FLG: variants seen among roughly 807,000 people sequenced by gnomAD.
FLG encodes the protein filaggrin, also known as epidermal filaggrin.
Under a neutral mutation model 3.8 loss-of-function variants are expected in FLG, and 6 were observed. The observed-to-expected ratio is 1.60, with a 90% CI of 0.87 to 3.15. The LOEUF is 3.15. Among genes scored for constraint, FLG ranks in the 30% most tolerant of loss-of-function variants. The probability of loss-of-function intolerance (pLI) is 0.00; values close to 1 mark genes in which losing one functional copy is unlikely to be tolerated. For synonymous variants in FLG, 2,551 were observed against 1,931.6 expected (o/e 1.32, Z -8.41); for missense variants, 7,595 against 5,050.9 (o/e 1.50, Z -15.27).
Position 152,314,747 on chromosome 1 carries a change from T to C in FLG, c.139A>G (p.Asn47Asp), listed in dbSNP as rs758847783. The C allele has an allele frequency of 5.1e-5, 82 of 1,613,732 alleles. No individual in the cohort carries two copies. The highest frequency in any genetic ancestry group is 8.3e-5 in the Admixed American group (5 of 60,006). The change falls in exon 3 of 3, where the codon AAT (asparagine) becomes GAT (aspartate). Residue 47 changes from asparagine (N) to aspartate (D), a missense_variant and splice_region_variant. Coordinates refer to ENST00000368799, the MANE Select transcript of FLG (RefSeq NM_002016.2). ...LEKEFRQILKNPDDPDMVDVF... is the reference protein window; with the variant it reads ...LEKEFRQILKDPDDPDMVDVF... Reference sequence around the variant, plus strand: ...TCAACCATATCTGGGTCATCTGGATTCTGTACAGAGGGAAGTCACAGAGGG... The same window carrying C: ...TCAACCATATCTGGGTCATCTGGATCCTGTACAGAGGGAAGTCACAGAGGG...
chr1:152,312,886 C>G lies in FLG; in HGVS notation c.2000G>C (p.Arg667Thr). ...GTCTGCAGAGTGCCCATGACCAGCT[C>G]TGTCTTCGTGATGGGACCTGGGGTG... is the stretch of plus-strand genomic sequence containing the variant. ...SRHPRSHHEDRAGHGHSADSS... is the reference protein window; with the variant it reads ...SRHPRSHHEDTAGHGHSADSS... The change falls in exon 3 of 3, where the codon AGA (arginine) becomes ACA (threonine). Residue 667 changes from arginine (R) to threonine (T), a missense_variant. Coordinates refer to ENST00000368799, the MANE Select transcript of FLG (RefSeq NM_002016.2). 3.1e-6 allele frequency: 5 copies of G among 1,614,074 alleles called. No individual in the cohort carries two copies. The highest frequency in any genetic ancestry group is 4.2e-6 in the Non-Finnish European group (5 of 1,180,032).
rs1374446019 is a variant in FLG at position 152,308,476 on chromosome 1, G to T, written c.6410C>A (p.Thr2137Asn). 2 of 1,613,714 alleles carry T rather than the reference G, an allele frequency of 1.2e-6. No homozygotes were observed. The highest frequency in any genetic ancestry group is 1.3e-5 in the African/African-American group (1 of 74,822). Residue 2137 changes from threonine to asparagine, a missense_variant, in exon 3 of 3, where the codon ACC (threonine) becomes AAC (asparagine). Physicochemically the swap from Thr to Asn is moderately conservative, Grantham distance 65. Transcript: ENST00000368799. Reference protein sequence around the residue: ...RHSASQEGQDTIRGHPGPSRG... With the variant: ...RHSASQEGQDNIRGHPGPSRG... ...GCTTGGCCCCGGGTGTCCACGAATG[G>T]TGTCCTGACCCTCTTGGGATGCTGA...
intron 1 of FLG, among the ~76,000 whole-genome samples, 169 bp downstream of exon 1, chr1:152,325,020 A>G (rs1047293702): frequency 5.3e-5 from 8 of 151,956 alleles, no homozygotes; most frequent in African/African-American, 1.9e-4. Flanking sequence ...AAGCAAATTT[A>G]TGCCCTCATT....
chr1:152,309,536 G>C lies in FLG; in HGVS notation c.5350C>G (p.Pro1784Ala). Residue 1784 changes from proline to alanine, a missense_variant, in exon 3 of 3, where the codon CCC becomes GCC. Coordinates refer to ENST00000368799, the MANE Select transcript of FLG (RefSeq NM_002016.2). ...QSESAHGRTG[P>A]STGGRQRSRH... is the part of the protein sequence containing the mutation. ...GATCTTTGTCTTCCTCCAGTGCTGG[G>C]CCCTGTGCGTCCATGGGCGGACTCA... 1 of 1,613,784 alleles carries C rather than the reference G, an allele frequency of 6.2e-7. No homozygotes were observed. Among genetic ancestry groups the C allele is most frequent in the East Asian group, 2.2e-5 (1 of 44,806 alleles).
rs80059102 is a variant in FLG at position 152,309,047 on chromosome 1, A to C, written c.5839T>G (p.Trp1947Gly). Reference protein sequence around the residue: ...SASRNHLGSAWEQSRDGSRHP... With the variant: ...SASRNHLGSAGEQSRDGSRHP... ...CTGGAGCCATCTCTTGACTGCTCCC[A>C]AGCAGATCCAAGATGGTTTCTGGAA... The change falls in exon 3 of 3, where the codon TGG (tryptophan) becomes GGG (glycine). Residue 1947 changes from tryptophan (W) to glycine (G), a missense_variant. By Grantham distance (184) the Trp-to-Gly change is radical (BLOSUM62 -2). Transcript: ENST00000368799. 236,188 of 1,542,506 alleles carry C rather than the reference A, an allele frequency of 0.15. No homozygotes were observed. The highest frequency in any genetic ancestry group is 0.41 in the East Asian group (17,940 of 43,952).
Position 152,312,712 on chromosome 1 carries a change from G to A in FLG, c.2174C>T (p.Thr725Ile), listed in dbSNP as rs3120655. 31,020 of 1,613,742 alleles carry A rather than the reference G, an allele frequency of 0.019. 4,897 individuals are homozygous for A. The African/African-American group carries it at 0.35, about 18-fold the overall frequency. ...TGCAGATGAAGCTTGTCCGTGCCCA[G>A]TGCCTGAGTGTCTGGAGCTGTCTGC... Reference protein sequence around the residue: ...QSADSSRHSGTGHGQASSAVR... With the variant: ...QSADSSRHSGIGHGQASSAVR... The change falls in exon 3 of 3, where the codon ACT becomes ATT. Residue 725 changes from threonine (T) to isoleucine (I), a missense_variant. Transcript: ENST00000368799.
intron 2 of FLG, 150 bp from the exon 3 acceptor site, chr1:152,314,897 C>T: frequency 3.4e-6 from 3 of 872,870 alleles, no homozygotes; most frequent in Non-Finnish European, 3.5e-6. Flanking sequence ...TTGTCTCATC[C>T]TCATTCAGGT....
At position 152,313,484 on chromosome 1, in the gene FLG, A is replaced by G. The variant is rs1374732598; in HGVS notation, c.1402T>C (p.Ser468Pro). Residue 468 changes from serine to proline, a missense_variant, in exon 3 of 3, where the codon TCC becomes CCC. Physicochemically the swap from Ser to Pro is moderately conservative, Grantham distance 74. Coordinates refer to ENST00000368799, the MANE Select transcript of FLG (RefSeq NM_002016.2). ...SGERSGRSGSSLYQVSTHEQP... is the reference protein window; with the variant it reads ...SGERSGRSGSPLYQVSTHEQP... Reference sequence around the variant, plus strand: ...TCATGAGTGCTCACCTGGTAGAGGGAAGACCCTGAACGTCCAGACCGTTCC... The same window carrying G: ...TCATGAGTGCTCACCTGGTAGAGGGGAGACCCTGAACGTCCAGACCGTTCC... 1 of 1,613,524 alleles carries G rather than the reference A, an allele frequency of 6.2e-7. No individual in the cohort carries two copies. Among genetic ancestry groups the G allele is most frequent in the Non-Finnish European group, 8.5e-7 (1 of 1,179,932 alleles).
rs781672763 is a variant in FLG at position 152,308,581 on chromosome 1, G to C, written c.6305C>G (p.Ser2102Cys). ...YQVSTHEQSE[S>C]THGQSAPSTG... ...GCTGGGCGCAGACTGTCCATGGGTGGACTCAGACTGTTCATGAGTGCTCAC... is the reference window on the plus strand; with the variant it reads ...GCTGGGCGCAGACTGTCCATGGGTGCACTCAGACTGTTCATGAGTGCTCAC... The change falls in exon 3 of 3, where the codon TCC becomes TGC. Residue 2102 changes from serine to cysteine, a missense_variant. By Grantham distance (112) the Ser-to-Cys change is moderately radical. Coordinates refer to ENST00000368799, the MANE Select transcript of FLG (RefSeq NM_002016.2). 1.2e-6 allele frequency: 2 copies of C among 1,614,062 alleles called. No individual in the cohort carries two copies. The highest frequency in any genetic ancestry group is 4.5e-5 in the East Asian group (2 of 44,874).
rs1313871676 is a variant in FLG at position 152,308,686 on chromosome 1, G to T, written c.6200C>A (p.Pro2067His). 1 of 1,614,092 alleles carries T rather than the reference G, an allele frequency of 6.2e-7. No individual in the cohort carries two copies. The highest frequency in any genetic ancestry group is 2.2e-5 in the East Asian group (1 of 44,880). Residue 2067 changes from proline to histidine, a missense_variant, in exon 3 of 3, where the codon CCC (proline) becomes CAC (histidine). Transcript: ENST00000368799. ...QSVSAQGKAG[P>H]HQQSHKESAR... is the part of the protein sequence containing the mutation. Reference sequence around the variant, plus strand: ...GGACTCTTTGTGGCTCTGCTGATGGGGCCCAGCTTTTCCCTGTGCTGACAC... The same window carrying T: ...GGACTCTTTGTGGCTCTGCTGATGGTGCCCAGCTTTTCCCTGTGCTGACAC...
At position 152,312,370 on chromosome 1, in the gene FLG, T is replaced by A. The variant is rs571576355; in HGVS notation, c.2516A>T (p.Asp839Val). ...TGACCCCGGGTGTCCACGAATGGTG[T>A]CCTGACCATCTTGGGATGCTGAGTG... ...SRHSASQDGQ[D>V]TIRGHPGSSR... Residue 839 changes from aspartate (D) to valine (V), a missense_variant, in exon 3 of 3, where the codon GAC becomes GTC. By Grantham distance (152) the Asp-to-Val change is radical (BLOSUM62 -3). Coordinates refer to ENST00000368799, the MANE Select transcript of FLG (RefSeq NM_002016.2). The A allele has an allele frequency of 1.9e-6, 3 of 1,611,452 alleles. No individual in the cohort carries two copies. In the African/African-American group the frequency reaches 4.0e-5, roughly 22 times the overall value.
chr1:152,303,718 G>A lies in FLG; in HGVS notation c.11168C>T (p.Ala3723Val). The change falls in exon 3 of 3, where the codon GCC (alanine) becomes GTC (valine). Residue 3723 changes from alanine (A) to valine (V), a missense_variant. Physicochemically the swap from Ala to Val is moderately conservative, Grantham distance 64. Transcript: ENST00000368799. ...QVSTHEQSES[A>V]HGRAGPSTGG... is the part of the protein sequence containing the mutation. ...AGTACTGGGCCCAGCCCGTCCATGG[G>A]CAGACTCAGACTGTTCATGAGTGCT... 1.2e-6 allele frequency: 2 copies of A among 1,614,056 alleles called. No individual in the cohort carries two copies. The highest frequency in any genetic ancestry group is 1.7e-6 in the Non-Finnish European group (2 of 1,179,978).
rs765626862 is a variant in FLG, at chr1:152,313,290, G to T, written c.1596C>A (p.His532Gln). 6 of 1,613,806 alleles carry T rather than the reference G, an allele frequency of 3.7e-6. No individual in the cohort carries two copies. The highest frequency in any genetic ancestry group is 1.7e-5 in the Admixed American group (1 of 59,996). ...SSRGGRQGSH[H>Q]EQSVNRSGHS... ...GTCCAGACCTATTTACCGATTGCTCGTGGTGGGATCCCTGCCTTCCTCCTC... is the reference window on the plus strand; with the variant it reads ...GTCCAGACCTATTTACCGATTGCTCTTGGTGGGATCCCTGCCTTCCTCCTC... Residue 532 changes from histidine to glutamine, a missense_variant, in exon 3 of 3, where the codon CAC becomes CAA. Transcript: ENST00000368799.
In FLG at chr1:152,311,573, C is replaced by T; in HGVS notation, c.3313G>A (p.Asp1105Asn). The T allele has an allele frequency of 1.9e-6, 3 of 1,614,062 alleles. No homozygotes were observed. The highest frequency in any genetic ancestry group is 2.2e-5 in the South Asian group (2 of 91,046). ...CGTCCAGACCTTCCCCCTGACCAGT[C>T]ACGTGCGGACTCTTGGTGGCTCTGC... ...HQQSHQESARDWSGGRSGRSG... is the reference protein window; with the variant it reads ...HQQSHQESARNWSGGRSGRSG... The change falls in exon 3 of 3, where the codon GAC (aspartate) becomes AAC (asparagine). Residue 1105 changes from aspartate (D) to asparagine (N), a missense_variant. By Grantham distance (23) the Asp-to-Asn change is conservative. Coordinates refer to ENST00000368799, the MANE Select transcript of FLG (RefSeq NM_002016.2).
chr1:152,310,706 G>A lies in FLG; in HGVS notation c.4180C>T (p.Gln1394Ter). The part of the protein sequence containing the change: ...DSGHRGSSGS[Q>*]VTNSEGHSED... ...GAATGTCCCTCACTGTTAGTGACCT[G>A]ACTACCACTGGACCCTCGGTGTCCA... Residue 1394 changes from glutamine to a stop codon, truncating the protein, a stop_gained, in exon 3 of 3, where the codon CAG becomes TAG. Coordinates refer to ENST00000368799, the MANE Select transcript of FLG (RefSeq NM_002016.2). LOFTEE classifies it low-confidence loss of function (END_TRUNC). 6.2e-7 allele frequency: 1 copy of A among 1,614,008 alleles called. No homozygotes were observed. The highest frequency in any genetic ancestry group is 1.3e-5 in the African/African-American group (1 of 74,982).
Position 152,311,093 on chromosome 1 carries a change from G to T in FLG, c.3793C>A (p.His1265Asn), listed in dbSNP as rs762882739. 70 of 1,613,776 alleles carry T rather than the reference G, an allele frequency of 4.3e-5. No individual in the cohort carries two copies. The highest frequency in any genetic ancestry group is 5.4e-5 in the Non-Finnish European group (64 of 1,179,976). Residue 1265 changes from histidine to asparagine, a missense_variant, in exon 3 of 3, where the codon CAC becomes AAC. Coordinates refer to ENST00000368799, the MANE Select transcript of FLG (RefSeq NM_002016.2). ...EQSSGSRTSR[H>N]QGSSVSQDSD... The stretch of plus-strand genomic sequence containing the variant: ...TCCTGGCTAACACTGGATCCCTGGT[G>T]CCTGCTTGTCCTGGACCCCGATGAT...
chr1:152,303,283 T>A lies in FLG; in HGVS notation c.11603A>T (p.Asp3868Val), dbSNP rs745787051. 1 of 1,613,948 alleles carries A rather than the reference T, an allele frequency of 6.2e-7. No individual in the cohort carries two copies. Among genetic ancestry groups the A allele is most frequent in the African/African-American group, 1.3e-5 (1 of 74,884 alleles). The change falls in exon 3 of 3, where the codon GAC becomes GTC. Residue 3868 changes from aspartate to valine, a missense_variant. Physicochemically the swap from Asp to Val is radical, Grantham distance 152. Transcript: ENST00000368799. ...AGAGTCCTCTGGGTATGCCTCACTG[T>A]CACTGTCCTGGCTAACACTGGATCC... ...RQGSSVSQDSDSEAYPEDSER... is the reference protein window; with the variant it reads ...RQGSSVSQDSVSEAYPEDSER...
In FLG at chr1:152,303,627, C is replaced by T; in HGVS notation, c.11259G>A (p.Glu3753=). The T allele has an allele frequency of 6.2e-7, 1 of 1,613,688 alleles. No homozygotes were observed. Among genetic ancestry groups the T allele is most frequent in the Admixed American group, 1.7e-5 (1 of 59,980 alleles). ...RDSSRHSASQ[E]GQDTIRGHPG... ...GGTGTCCACGAATGGTGTCCTGACC[C>T]TCTTGGGACGCTGAGTGCCTGGAGC... is the stretch of plus-strand genomic sequence containing the variant. Residue 3753 remains glutamate (E), a synonymous_variant, in exon 3 of 3, where the codon GAG becomes GAA. Coordinates refer to ENST00000368799, the MANE Select transcript of FLG (RefSeq NM_002016.2).
chr1:152,317,282 A>G (rs572574910), intron 1 of FLG, among the ~76,000 whole-genome samples: 2 of 152,068 alleles, frequency 1.3e-5, no homozygotes, highest in South Asian at 4.2e-4. Flanking sequence ...TTTAGGTACC[A>G]TCTGATTTAT....
Sources: allele counts gnomAD v4.1 joint callset (sites outside exome capture counted in the v4.1 genomes callset), GRCh38; gene constraint gnomAD v4.1.1; transcripts MANE v1.5; gene names NCBI Gene and HGNC (gene_info 2026-07-23, HGNC 2026-07-21).